Variants in PCDHA4 observed in about 807,000 individuals in gnomAD.
PCDHA4 encodes protocadherin alpha-4.
PCDHA4 carries 49 observed loss-of-function variants against 61.4 expected under a neutral mutation model. That is an observed-to-expected ratio of 0.80 (90% CI 0.63 to 1.01). PCDHA4 has a LOEUF of 1.01. Among genes scored for constraint, PCDHA4 ranks in the 50% least tolerant of loss-of-function variants. PCDHA4 has a pLI of 0.00. For synonymous variants in PCDHA4, 590 were observed against 550.3 expected (o/e 1.07, Z -1.01); for missense variants, 1,254 against 1,235.8 (o/e 1.01, Z -0.22).
rs1316774875 is a variant in PCDHA4 at position 140,883,076 on chromosome 5, G to T, written c.2385+73504G>T. The T allele has an allele frequency of 3.1e-6, 5 of 1,614,032 alleles. No homozygotes were observed. Among genetic ancestry groups the T allele is most frequent in the Middle Eastern group, 1.6e-4 (1 of 6,084 alleles). On this transcript the variant is annotated intron_variant, in intron 1 of 3. Transcript: ENST00000530339. ...GATCAAGCTAAATGCCACAGATCCT[G>T]ATGATGGTACAAATGGAGATATAGT...
intron 1 of PCDHA4, among the ~76,000 whole-genome samples, chr5:140,900,088 G>C (rs545975836): frequency 6.6e-6 from 1 of 152,240 alleles, no homozygotes; most frequent in African/African-American, 2.4e-5. Context: ...GCAGTTACAA[G>C]CATGCGCCAC....
intron 1 of PCDHA4, chr5:140,811,985 T>A (rs1765002946): frequency 7.4e-6 from 1 of 134,400 alleles, no homozygotes; most frequent in East Asian, 2.1e-4. Context: ...CTTTTGAAGA[T>A]TTATTTTTTA....
At chr5:140,843,473 T>A (rs2150360834) in intron 1 of PCDHA4, 2 of 1,595,974 alleles carry the variant, frequency 1.3e-6, no homozygotes, top group Non-Finnish European at 1.7e-6. Flanking sequence ...GCTGCTGCTG[T>A]ACACTGCGCT....
At chr5:140,924,895 AAAAAAAAAAATAAAATAAAATAAAAT>A (rs1157767234) in intron 1 of PCDHA4, among the ~76,000 whole-genome samples, 8 of 132,230 alleles carry the variant, frequency 6.1e-5, no homozygotes, top group East Asian at 2.1e-4. Flanking sequence ...AACCTGTCTC[AAAAAAAAAAATAAAATAAAATAAAAT>A]AAAATAAAAT....
At chr5:140,909,502 G>A (rs1583705871) in intron 1 of PCDHA4, among the ~76,000 whole-genome samples, 2 of 152,180 alleles carry the variant, frequency 1.3e-5, no homozygotes. Flanking sequence ...CGGGGATGTG[G>A]TGGGAATCAC....
At chr5:140,874,834 T>C (rs756394440) in intron 1 of PCDHA4, among the ~76,000 whole-genome samples, 17 of 152,260 alleles carry the variant, frequency 1.1e-4, no homozygotes, top group Non-Finnish European at 2.5e-4. Context: ...AAATATTGTT[T>C]GGTATTAGAC....
chr5:140,833,965 GA>G (rs2150212449), intron 1 of PCDHA4, among the ~76,000 whole-genome samples: 47 of 152,008 alleles, frequency 3.1e-4, no homozygotes, highest in South Asian at 4.2e-4. Context: ...AAAACTGTGT[GA>G]AAAAAAAGTT....
chr5:140,875,854 G>A (rs1448268904), intron 1 of PCDHA4: 6 of 1,614,160 alleles, frequency 3.7e-6, no homozygotes, highest in Non-Finnish European at 5.1e-6. Flanking sequence ...GGACATTAAC[G>A]ACAACCCGCC....
intron 1 of PCDHA4, chr5:140,928,280 C>T (rs781831365): frequency 6.2e-7 from 1 of 1,614,076 alleles, no homozygotes; most frequent in African/African-American, 1.3e-5. Context: ...CCTGGGGCCT[C>T]TCTAGGCCGA....
chr5:140,848,512 G>A (rs1781566761), intron 1 of PCDHA4: 1 of 1,590,350 alleles, frequency 6.3e-7, no homozygotes, highest in South Asian at 1.1e-5. Context: ...TACTCAAGTC[G>A]AGGAGATCCA....
In PCDHA4 at chr5:140,869,069, A is replaced by G. The variant is rs781835431; in HGVS notation, c.2385+59497A>G. 4 of 1,572,072 alleles carry G rather than the reference A, an allele frequency of 2.5e-6. No individual in the cohort carries two copies. The East Asian group carries it at 9.0e-5, about 35-fold the overall frequency. ...CTGAAGAATCTGGTACTGTAAGTGT[A>G]AAGAAGCTTATTTTGGAAGCCAATT... On this transcript the variant is annotated intron_variant, in intron 1 of 3. Coordinates refer to ENST00000530339, the MANE Select transcript of PCDHA4 (RefSeq NM_018907.4).
chr5:140,943,620 A>G (rs1285848217), intron 1 of PCDHA4, among the ~76,000 whole-genome samples: 1 of 152,200 alleles, frequency 6.6e-6, no homozygotes, highest in Non-Finnish European at 1.5e-5. Context: ...ATTCATCTGC[A>G]TAAGGAAGCT....
At chr5:140,897,772 C>T (rs1393087365) in intron 1 of PCDHA4, among the ~76,000 whole-genome samples, 2 of 152,192 alleles carry the variant, frequency 1.3e-5, no homozygotes, top group Non-Finnish European at 2.9e-5. Context: ...ACACTGACTT[C>T]CACAATGGTT....
chr5:140,808,031 T>C lies in PCDHA4; in HGVS notation c.844T>C (p.Ser282Pro), dbSNP rs1764084602. Residue 282 changes from serine (S) to proline (P), a missense_variant, in exon 1 of 4, where the codon TCA (serine) becomes CCA (proline). By Grantham distance (74) the Ser-to-Pro change is moderately conservative. Transcript: ENST00000530339. The part of the protein sequence containing the change: ...GLNGDIVYSF[S>P]NDISPNVKSK... ...GAATGGGGACATTGTTTATTCATTC[T>C]CAAATGATATTTCGCCAAATGTGAA... 1.2e-6 allele frequency: 2 copies of C among 1,613,868 alleles called. No individual in the cohort carries two copies. Among genetic ancestry groups the C allele is most frequent in the Admixed American group, 1.7e-5 (1 of 60,008 alleles).
At chr5:140,990,858 T>C (rs1243458417) in intron 3 of PCDHA4, among the ~76,000 whole-genome samples, 2 of 152,172 alleles carry the variant, frequency 1.3e-5, no homozygotes, top group African/African-American at 2.4e-5. Flanking sequence ...CCTGAGGACA[T>C]TGTATTTTAA....
In PCDHA4 at chr5:140,884,413, G is replaced by C. The variant is rs376737487; in HGVS notation, c.2385+74841G>C. 13 of 1,613,896 alleles carry C rather than the reference G, an allele frequency of 8.1e-6. No homozygotes were observed. The East Asian group carries it at 2.5e-4, about 30-fold the overall frequency. On this transcript the variant is annotated intron_variant, in intron 1 of 3. Transcript: ENST00000530339. Reference sequence around the variant, plus strand: ...TGTCCAGCCTGTTGGTGCTCACGTTGCTGCTGTATACTGCGCTGCGGTGCT... The same window carrying C: ...TGTCCAGCCTGTTGGTGCTCACGTTCCTGCTGTATACTGCGCTGCGGTGCT...
intron 1 of PCDHA4, chr5:140,865,276 A>C (rs1259929585): frequency 6.6e-6 from 1 of 152,182 alleles, no homozygotes; most frequent in African/African-American, 2.4e-5. Flanking sequence ...TTATATGTAA[A>C]ATTACTTTGC....
chr5:140,849,948 CAGG>C (rs1562462413), intron 1 of PCDHA4: 1 of 1,597,844 alleles, frequency 6.3e-7, no homozygotes, highest in Admixed American at 1.7e-5. Flanking sequence ...CGCTGACGCG[CAGG>C]AGAACGCCCT....
At chr5:140,981,041 A>C (rs72802989) in intron 2 of PCDHA4, among the ~76,000 whole-genome samples, 7,382 of 152,278 alleles carry the variant, frequency 0.048, 205 homozygotes, top group Non-Finnish European at 0.065. Context: ...GGGAAAAAAA[A>C]CAGATAATTC....
Sources: gnomAD v4.1 joint callset for allele counts (sites outside exome capture counted in the v4.1 genomes callset) on GRCh38, gnomAD v4.1.1 for gene constraint, MANE v1.5 for transcripts, NCBI Gene and HGNC (gene_info 2026-07-23, HGNC 2026-07-21) for gene names.